The following PODXL2 variants were observed in gnomAD, a reference collection of about 807,000 sequenced individuals.
PODXL2 encodes podocalyxin like 2, also known as podocalyxin-like protein 2.
In PODXL2, 17 loss-of-function variants were observed where a neutral mutation model predicts 53.4. That is an observed-to-expected ratio of 0.32 (90% CI 0.22 to 0.48). PODXL2 has a LOEUF of 0.48. Among genes scored for constraint, PODXL2 ranks in the 20% least tolerant of loss-of-function variants. The probability of loss-of-function intolerance (pLI) is 0.99; values close to 1 mark genes in which losing one functional copy is unlikely to be tolerated. For synonymous variants in PODXL2, 311 were observed against 306.7 expected (o/e 1.01, Z -0.15); for missense variants, 673 against 760.0 (o/e 0.89, Z 1.35).
chr3:127,646,180 A>T (rs1465378115), intron 2 of PODXL2, among the ~76,000 whole-genome samples: 1 of 152,160 alleles, frequency 6.6e-6, no homozygotes, highest in East Asian at 1.9e-4. Context: ...ATATATTCTT[A>T]CTTCCATTTA....
At chr3:127,665,821 C>G (rs771606230) in intron 4 of PODXL2, 1 of 366,556 alleles carries the variant, frequency 2.7e-6, no homozygotes, top group Non-Finnish European at 5.5e-6. Context: ...GCATGCCACA[C>G]ACGTGCTTAC....
Position 127,639,465 on chromosome 3 carries a change from C to T in PODXL2, c.291C>T (p.Tyr97=). 2.5e-6 allele frequency: 4 copies of T among 1,614,248 alleles called. No individual in the cohort carries two copies. In the South Asian group the frequency reaches 4.4e-5, roughly 18 times the overall value. ...EESRILQPPQ[Y]FWEEEEELND... Reference sequence around the variant, plus strand: ...CTCGGATTCTGCAGCCACCACAGTACTTCTGGGAAGAGGAGGAAGAGCTGA... The same window carrying T: ...CTCGGATTCTGCAGCCACCACAGTATTTCTGGGAAGAGGAGGAAGAGCTGA... The change falls in exon 2 of 8, where the codon TAC becomes TAT. Residue 97 remains tyrosine (Y), a synonymous_variant. Coordinates refer to ENST00000342480, the MANE Select transcript of PODXL2 (RefSeq NM_015720.4).
At chr3:127,658,828 AC>A (rs1288815749) in intron 2 of PODXL2, among the ~76,000 whole-genome samples, 1 of 27,740 alleles carries the variant, frequency 3.6e-5, no homozygotes, top group East Asian at 4.5e-4. Context: ...CAGCTCTGAA[AC>A]TTTTTTTCTT....
At chr3:127,670,779 T>C (rs976891195) in intron 6 of PODXL2, among the ~76,000 whole-genome samples, 16 of 152,180 alleles carry the variant, frequency 1.1e-4, no homozygotes, top group African/African-American at 3.1e-4. Context: ...TCTGTGGAGA[T>C]AGCACCTGCC....
At chr3:127,645,807 A>G (rs1021673608) in intron 2 of PODXL2, among the ~76,000 whole-genome samples, 1 of 151,978 alleles carries the variant, frequency 6.6e-6, no homozygotes, top group Admixed American at 6.6e-5. Flanking sequence ...GGCGTGCCCT[A>G]CCCCCCTATT....
chr3:127,660,816 AAGAGGC>A lies in PODXL2; in HGVS notation c.795_800del (p.Glu266_Ala267del), dbSNP rs2074762326. Reference sequence around the variant, plus strand: ...CCGGGGGACCAGGACTCCACCAGCCAAGAGGCAGAGGCCACAGTGCTGCCAGCTGCA... The same window carrying A: ...CCGGGGGACCAGGACTCCACCAGCCAAGAGGCCACAGTGCTGCCAGCTGCA... On this transcript the variant is annotated inframe_deletion, in exon 3 of 8. Transcript: ENST00000342480. 1 of 1,614,140 alleles carries A rather than the reference AAGAGGC, an allele frequency of 6.2e-7. No individual in the cohort carries two copies. Among genetic ancestry groups the A allele is most frequent in the African/African-American group, 1.3e-5 (1 of 74,956 alleles).
chr3:127,657,108 A>G (rs867403733), intron 2 of PODXL2, among the ~76,000 whole-genome samples: 4 of 152,324 alleles, frequency 2.6e-5, no homozygotes, highest in Admixed American at 1.3e-4. Context: ...CAGATAAGTT[A>G]GTGGCTGAGT....
chr3:127,669,276 A>T (rs2074815702), intron 6 of PODXL2, 74 bp downstream of exon 6: 1 of 1,054,012 alleles, frequency 9.5e-7, no homozygotes, highest in Non-Finnish European at 1.4e-6. Flanking sequence ...AAGTCCCAGG[A>T]GTCTGCCCAC....
intron 2 of PODXL2, among the ~76,000 whole-genome samples, chr3:127,653,757 C>T (rs934748130): frequency 3.3e-5 from 5 of 152,138 alleles, no homozygotes; most frequent in East Asian, 1.9e-4. Context: ...AGAATAATTC[C>T]GTCCACCCCT....
chr3:127,646,167 A>G (rs2107707070), intron 2 of PODXL2, among the ~76,000 whole-genome samples: 1 of 152,266 alleles, frequency 6.6e-6, no homozygotes, highest in Admixed American at 6.5e-5. Flanking sequence ...GAAAAATGTA[A>G]GTATATATTC....
chr3:127,670,284 GA>G (rs2074824221), intron 6 of PODXL2, among the ~76,000 whole-genome samples: 1 of 152,226 alleles, frequency 6.6e-6, no homozygotes, highest in Non-Finnish European at 1.5e-5. Context: ...GTAAGCGGTA[GA>G]GCCAGGCTTT....
rs886120999 is a variant in PODXL2 at position 127,671,470 on chromosome 3, C to A, written c.1462C>A (p.Gln488Lys). ...IQNYSTTSSC[Q>K]ARASQVRSDY... The stretch of plus-strand genomic sequence containing the variant: ...GAACTATTCCACAACCAGCAGCTGC[C>A]AGGCGCGGGCCAGCCAGGTGCGCAG... The change falls in exon 7 of 8, where the codon CAG becomes AAG. Residue 488 changes from glutamine to lysine, a missense_variant. Gln to Lys is a moderately conservative substitution (Grantham distance 53). Transcript: ENST00000342480. 1 of 1,614,010 alleles carries A rather than the reference C, an allele frequency of 6.2e-7. No individual in the cohort carries two copies. The highest frequency in any genetic ancestry group is 1.3e-5 in the African/African-American group (1 of 74,938).
At chr3:127,635,623 C>T (rs976230960) in intron 1 of PODXL2, among the ~76,000 whole-genome samples, 1 of 152,198 alleles carries the variant, frequency 6.6e-6, no homozygotes, top group African/African-American at 2.4e-5. Context: ...GATCCCTGGA[C>T]AGAAGCATCA....
At chr3:127,657,649 G>A (rs1187814088) in intron 2 of PODXL2, among the ~76,000 whole-genome samples, 1 of 152,108 alleles carries the variant, frequency 6.6e-6, no homozygotes, top group Non-Finnish European at 1.5e-5. Context: ...CTTGTAAATT[G>A]CTGTCAGATT....
At chr3:127,658,789 C>T (rs1056427771) in intron 2 of PODXL2, among the ~76,000 whole-genome samples, 5 of 151,838 alleles carry the variant, frequency 3.3e-5, no homozygotes, top group African/African-American at 1.2e-4. Flanking sequence ...CTTGATGATA[C>T]AAGCTTTCAT....
At chr3:127,656,421 C>G (rs2074723472) in intron 2 of PODXL2, among the ~76,000 whole-genome samples, 4 of 152,068 alleles carry the variant, frequency 2.6e-5, no homozygotes, top group Non-Finnish European at 5.9e-5. Context: ...GAGACCCCAT[C>G]TCTACAAATA....
At chr3:127,668,699 T>C in intron 5 of PODXL2, 102 bp downstream of exon 5, 1 of 1,155,418 alleles carries the variant, frequency 8.7e-7, no homozygotes, top group Non-Finnish European at 1.2e-6. Flanking sequence ...CTTTGAAACT[T>C]GGAACTCCAG....
chr3:127,672,463 G>T lies in PODXL2; in HGVS notation c.1801G>T (p.Glu601Ter), dbSNP rs1458665960. ...RDPEDSDVFE[E>*]DTHL ...CCCCGAGGACTCGGACGTGTTCGAG[G>T]AGGACACGCACCTGTGAGCGCAGCC... The change falls in exon 8 of 8, where the codon GAG becomes TAG. Residue 601 changes from glutamate to a stop codon, truncating the protein, a stop_gained. Coordinates refer to ENST00000342480, the MANE Select transcript of PODXL2 (RefSeq NM_015720.4). LOFTEE classifies it high-confidence loss of function. 2.0e-6 allele frequency: 3 copies of T among 1,528,564 alleles called. No homozygotes were observed. Among genetic ancestry groups the T allele is most frequent in the Non-Finnish European group, 2.6e-6 (3 of 1,140,172 alleles). 94.7% of individuals were successfully genotyped at this position (1,528,564 alleles called of 1,614,324 possible).
chr3:127,667,323 G>C (rs1559879146), intron 4 of PODXL2, among the ~76,000 whole-genome samples: 1 of 152,262 alleles, frequency 6.6e-6, no homozygotes, highest in Non-Finnish European at 1.5e-5. Context: ...GGATCCTGCA[G>C]GGCTGGCCTG....
Sources: allele counts gnomAD v4.1 joint callset (sites outside exome capture counted in the v4.1 genomes callset), GRCh38; gene constraint gnomAD v4.1.1; transcripts MANE v1.5; gene names NCBI Gene and HGNC (gene_info 2026-07-23, HGNC 2026-07-21).